Variants in ARHGEF3 observed in about 807,000 individuals in gnomAD.
ARHGEF3 encodes the protein Rho guanine nucleotide exchange factor 3.
ARHGEF3 carries 28 observed loss-of-function variants against 63.2 expected under a neutral mutation model. That is an observed-to-expected ratio of 0.44 (90% CI 0.33 to 0.61). The LOEUF (loss-of-function observed/expected upper bound fraction) is 0.61, where lower values mean the gene tolerates loss of function less well. ARHGEF3 is among the 20% of genes least tolerant of loss of function. ARHGEF3 has a pLI of 0.03. For synonymous variants in ARHGEF3, 266 were observed against 254.2 expected (o/e 1.05, Z -0.44); for missense variants, 533 against 659.3 (o/e 0.81, Z 2.10).
intron 2 of ARHGEF3, 127 bp from the exon 3 acceptor site, chr3:56,755,278 G>C: frequency 9.1e-7 from 1 of 1,100,620 alleles, no homozygotes; most frequent in Non-Finnish European, 1.3e-6. Context: ...TTGCCACAAG[G>C]CCTTTGGGAA....
At chr3:56,992,372 C>G (rs1701782595) in intron 2 of ARHGEF3, among the ~76,000 whole-genome samples, 1 of 59,596 alleles carries the variant, frequency 1.7e-5, no homozygotes. Flanking sequence ...GGGAGGATGG[C>G]TTTAAAAAAA....
At chr3:56,860,529 CA>C (rs1456301494) in intron 4 of ARHGEF3, among the ~76,000 whole-genome samples, 2 of 152,116 alleles carry the variant, frequency 1.3e-5, no homozygotes, top group African/African-American at 4.8e-5. Flanking sequence ...ATCAAATGGG[CA>C]TACAAAATAT....
At chr3:56,987,409 G>A (rs1473100430) in intron 2 of ARHGEF3, among the ~76,000 whole-genome samples, 1 of 152,194 alleles carries the variant, frequency 6.6e-6, no homozygotes, top group Non-Finnish European at 1.5e-5. Flanking sequence ...CCAGCACTGG[G>A]CTGAGCTCTG....
rs35949919 is a variant in ARHGEF3 at position 56,827,752 on chromosome 3, C to CAAA, written c.193-53939_193-53937dup. Among the ~76,000 whole-genome samples, 186 of 68,254 alleles carry CAAA rather than the reference C, an allele frequency of 2.7e-3. 1 individual carries two copies. Among genetic ancestry groups the CAAA allele is most frequent in the African/African-American group, 5.2e-3 (78 of 15,132 alleles). 44.8% of individuals were successfully genotyped at this position (68,254 alleles called of 152,430 possible). A position where few individuals can be genotyped will look rare whatever the true frequency, so the allele number is the denominator to read the frequency against. On this transcript the variant is annotated intron_variant, in intron 4 of 12. Coordinates refer to the ARHGEF3 transcript ENST00000338458. ...GCAACGTGGCAAAACCCTGTCTCTA[C>CAAA]AAAAAAAAAAAAAAAAAAAAACAGA...
chr3:57,008,628 A>G (rs978616600), intron 2 of ARHGEF3, among the ~76,000 whole-genome samples: 5 of 151,846 alleles, frequency 3.3e-5, no homozygotes, highest in Non-Finnish European at 7.4e-5. Flanking sequence ...AGGCAATTAC[A>G]CCCAGCTAAT....
At chr3:56,795,380 AG>A (rs2037298358) in intron 1 of ARHGEF3, among the ~76,000 whole-genome samples, 1 of 151,936 alleles carries the variant, frequency 6.6e-6, no homozygotes. Context: ...ATAAATCCTC[AG>A]AAAAAAAGAG....
At chr3:56,995,643 G>C (rs923919679) in intron 2 of ARHGEF3, among the ~76,000 whole-genome samples, 4 of 100,868 alleles carry the variant, frequency 4.0e-5, no homozygotes, top group African/African-American at 1.5e-4. Flanking sequence ...GAGAGAGAGA[G>C]AGAGAGAGAG....
intron 3 of ARHGEF3, among the ~76,000 whole-genome samples, chr3:56,916,949 A>G (rs1383834241): frequency 1.3e-5 from 2 of 152,174 alleles, no homozygotes; most frequent in African/African-American, 4.8e-5. Flanking sequence ...TTCTCTTCAG[A>G]GCCCTTTCAA....
intron 4 of ARHGEF3, among the ~76,000 whole-genome samples, chr3:56,837,082 A>G (rs551835817): frequency 6.6e-6 from 1 of 152,340 alleles, no homozygotes; most frequent in African/African-American, 2.4e-5. Context: ...TGCAGAAAGT[A>G]CACTTTATTT....
intron 3 of ARHGEF3, among the ~76,000 whole-genome samples, chr3:56,902,026 G>A (rs1368661315): frequency 1.3e-5 from 2 of 152,116 alleles, no homozygotes; most frequent in African/African-American, 2.4e-5. Flanking sequence ...CATTATACTT[G>A]AGAACCTTCT....
chr3:56,854,003 G>C (rs927190873), intron 4 of ARHGEF3, among the ~76,000 whole-genome samples: 2 of 152,120 alleles, frequency 1.3e-5, no homozygotes, highest in Non-Finnish European at 2.9e-5. Context: ...AGACTGTCCT[G>C]GCTAACACGG....
intron 3 of ARHGEF3, among the ~76,000 whole-genome samples, chr3:56,894,613 G>A (rs2041238984): frequency 6.6e-6 from 1 of 152,056 alleles, no homozygotes; most frequent in Non-Finnish European, 1.5e-5. Context: ...GACGTGGCAA[G>A]ACCCTATCTC....
intron 1 of ARHGEF3, among the ~76,000 whole-genome samples, chr3:56,791,142 C>T (rs12630532): frequency 0.033 from 5,058 of 152,238 alleles, 207 homozygotes; most frequent in South Asian, 0.17. Context: ...GTGGCTTATG[C>T]CTGTAATCCC....
At chr3:56,861,027 G>C (rs2040055256) in intron 4 of ARHGEF3, among the ~76,000 whole-genome samples, 1 of 152,290 alleles carries the variant, frequency 6.6e-6, no homozygotes, top group African/African-American at 2.4e-5. Flanking sequence ...TGCAGGGAAA[G>C]GAGAGGAGAT....
At chr3:57,035,636 A>G (rs1703920989) in intron 1 of ARHGEF3, among the ~76,000 whole-genome samples, 2 of 152,272 alleles carry the variant, frequency 1.3e-5, no homozygotes, top group East Asian at 1.9e-4. Flanking sequence ...GGCGTAAGCC[A>G]CTGCGCTCCG....
intron 3 of ARHGEF3, among the ~76,000 whole-genome samples, chr3:56,894,866 C>T (rs184982710): frequency 2.6e-5 from 4 of 152,254 alleles, no homozygotes; most frequent in African/African-American, 4.8e-5. Flanking sequence ...GCCAGGTCTC[C>T]GTTTCAGACT....
At chr3:57,033,184 T>A (rs775852990) in intron 2 of ARHGEF3, among the ~76,000 whole-genome samples, 3 of 152,160 alleles carry the variant, frequency 2.0e-5, no homozygotes, top group Non-Finnish European at 4.4e-5. Flanking sequence ...GAGGATGAAC[T>A]GGTGATGTTT....
At chr3:56,760,692 G>C (rs1007851853) in intron 2 of ARHGEF3, among the ~76,000 whole-genome samples, 2 of 151,796 alleles carry the variant, frequency 1.3e-5, no homozygotes, top group Non-Finnish European at 2.9e-5. Context: ...AACAGAGCCT[G>C]AGCTCTTTCT....
intron 6 of ARHGEF3, among the ~76,000 whole-genome samples, chr3:56,750,259 C>G (rs1447388771): frequency 6.6e-6 from 1 of 152,088 alleles, no homozygotes; most frequent in Non-Finnish European, 1.5e-5. Flanking sequence ...GAATAGGGAG[C>G]GGTGGGGACT....
Sources: allele counts gnomAD v4.1 joint callset (sites outside exome capture counted in the v4.1 genomes callset), GRCh38; gene constraint gnomAD v4.1.1; transcripts MANE v1.5; gene names NCBI Gene and HGNC (gene_info 2026-07-23, HGNC 2026-07-21).